Variants in DIAPH3 observed in about 807,000 individuals in gnomAD.
DIAPH3 encodes the protein diaphanous related formin 3.
Under a neutral mutation model 144.3 loss-of-function variants are expected in DIAPH3, and 117 were observed. That is an observed-to-expected ratio of 0.81 (90% CI 0.70 to 0.95). The LOEUF (loss-of-function observed/expected upper bound fraction) is 0.95. Ranked by LOEUF, DIAPH3 falls within the 40% of genes least tolerant of loss-of-function variation. DIAPH3 has a pLI of 0.00. For synonymous variants in DIAPH3, 519 were observed against 488.9 expected (o/e 1.06, Z -0.81); for missense variants, 1,421 against 1,412.7 (o/e 1.01, Z -0.09).
intron 1 of DIAPH3, among the ~76,000 whole-genome samples, chr13:60,148,939 T>C (rs1009443179): frequency 6.6e-6 from 1 of 152,184 alleles, no homozygotes; most frequent in Admixed American, 6.5e-5. Flanking sequence ...AAGGACCAAA[T>C]TGCATCTACC....
intron 9 of DIAPH3, among the ~76,000 whole-genome samples, chr13:59,996,468 G>C (rs143802412): frequency 1.3e-5 from 2 of 152,020 alleles, no homozygotes; most frequent in Admixed American, 1.3e-4. Context: ...TATTTTAAAC[G>C]TAACTTCTAG....
chr13:59,979,044 A>T (rs1355773405), intron 14 of DIAPH3, among the ~76,000 whole-genome samples: 1 of 151,728 alleles, frequency 6.6e-6, no homozygotes, highest in African/African-American at 2.4e-5. Flanking sequence ...AAACTATCAG[A>T]ACAAAGTTTT....
At chr13:59,771,558 T>C (rs1340514355) in intron 27 of DIAPH3, among the ~76,000 whole-genome samples, 1 of 152,070 alleles carries the variant, frequency 6.6e-6, no homozygotes, top group Non-Finnish European at 1.5e-5. Flanking sequence ...TGTTTAACTT[T>C]ATGTTACAAG....
intron 27 of DIAPH3, among the ~76,000 whole-genome samples, chr13:59,724,294 G>A (rs894884287): frequency 1.3e-5 from 2 of 152,132 alleles, no homozygotes; most frequent in Non-Finnish European, 2.9e-5. Context: ...AAAAACTCGT[G>A]TGTGAACTAT....
chr13:59,810,968 C>A, intron 24 of DIAPH3, 45 bp from the exon 25 acceptor site: 1 of 1,542,200 alleles, frequency 6.5e-7, no homozygotes, highest in Admixed American at 1.8e-5. Flanking sequence ...AGTGATTCAT[C>A]CCGCAAAATG....
intron 27 of DIAPH3, among the ~76,000 whole-genome samples, chr13:59,681,049 G>T (rs889040965): frequency 1.3e-5 from 2 of 151,928 alleles, no homozygotes; most frequent in Admixed American, 6.6e-5. Context: ...TTTTCTCCTG[G>T]TATATACAAA....
rs12430815 is a variant in DIAPH3 at position 59,943,459 on chromosome 13, T to A, written c.2075-18589A>T. Among the ~76,000 whole-genome samples the A allele has an allele frequency of 2.0e-4, 31 of 152,256 alleles. 1 individual carries two copies. The highest frequency in any genetic ancestry group is 2.0e-3 in the Admixed American group (31 of 15,264). On this transcript the variant is annotated intron_variant, in intron 17 of 27. Transcript: ENST00000400324. ...AGAACAATAATAGCAACTGGAAATGTAATAGCTCTCAATATGGAGCTCCTC... is the reference window on the plus strand; with the variant it reads ...AGAACAATAATAGCAACTGGAAATGAAATAGCTCTCAATATGGAGCTCCTC...
At chr13:59,935,664 A>C (rs999330826) in intron 17 of DIAPH3, among the ~76,000 whole-genome samples, 1 of 152,240 alleles carries the variant, frequency 6.6e-6, no homozygotes, top group African/African-American at 2.4e-5. Context: ...AAATCACTTT[A>C]GTCATATCTG....
rs143266302 is a variant in DIAPH3, at chr13:59,722,866, T to G, written c.3319+51323A>C. 3.7e-3 allele frequency among the ~76,000 whole-genome samples: 564 copies of G among 152,286 alleles called. 3 individuals are homozygous for G. The highest frequency in any genetic ancestry group is 0.013 in the African/African-American group (538 of 41,550). ...ACATGTAGCTCATCAAAGCTTGATC[T>G]AAATTGTTTCTTCAGTCCTCCTAAT... On this transcript the variant is annotated intron_variant, in intron 27 of 27. Transcript: ENST00000400324.
At chr13:59,938,816 G>T (rs1172039091) in intron 17 of DIAPH3, among the ~76,000 whole-genome samples, 2 of 152,138 alleles carry the variant, frequency 1.3e-5, no homozygotes, top group Non-Finnish European at 2.9e-5. Flanking sequence ...AGAGAATGGG[G>T]AGTTAGTGTT....
At chr13:59,712,171 CAGAG>C (rs2034782663) in intron 27 of DIAPH3, among the ~76,000 whole-genome samples, 1 of 152,086 alleles carries the variant, frequency 6.6e-6, no homozygotes, top group South Asian at 2.1e-4. Context: ...ACAAGAGAAA[CAGAG>C]AGGCAGAAAG....
rs368905253 is a variant in DIAPH3, at chr13:59,716,377, A to T, written c.3320-49531T>A. Reference sequence around the variant, plus strand: ...TTTTTAGTAGAGACGGGGTTTCACCATGTTAGCCAGGATGGTCTCGATCTC... The same window carrying T: ...TTTTTAGTAGAGACGGGGTTTCACCTTGTTAGCCAGGATGGTCTCGATCTC... On this transcript the variant is annotated intron_variant, in intron 27 of 27. Coordinates refer to ENST00000400324, the MANE Select transcript of DIAPH3 (RefSeq NM_001042517.2). 3.3e-5 allele frequency among the ~76,000 whole-genome samples: 5 copies of T among 152,190 alleles called. No individual in the cohort carries two copies. The East Asian group carries it at 5.8e-4, about 18-fold the overall frequency.
chr13:59,805,831 A>G (rs958156069), intron 25 of DIAPH3, among the ~76,000 whole-genome samples: 3 of 151,980 alleles, frequency 2.0e-5, no homozygotes, highest in Admixed American at 6.6e-5. Flanking sequence ...CACTATTTTT[A>G]TCTTTATTTT....
intron 1 of DIAPH3, among the ~76,000 whole-genome samples, chr13:60,162,809 T>TCTCTCTCTCA (rs1555388530): frequency 8.2e-6 from 1 of 122,424 alleles, no homozygotes; most frequent in Non-Finnish European, 1.7e-5. Context: ...TCTCTCTCTC[T>TCTCTCTCTCA]CACACACACA....
At chr13:59,916,289 G>A (rs368451274) in intron 18 of DIAPH3, 40 bp from the exon 19 acceptor site, 2 of 1,450,550 alleles carry the variant, frequency 1.4e-6, no homozygotes, top group East Asian at 2.3e-5. Context: ...AATGAATAAG[G>A]TTTAAAAAAG....
intron 27 of DIAPH3, among the ~76,000 whole-genome samples, chr13:59,693,472 G>A (rs552036964): frequency 3.3e-5 from 5 of 152,184 alleles, no homozygotes; most frequent in East Asian, 3.9e-4. Context: ...AAGGAATTAG[G>A]AAAATTATCA....
intron 13 of DIAPH3, among the ~76,000 whole-genome samples, chr13:59,982,264 C>G (rs1343410440): frequency 6.6e-6 from 1 of 151,254 alleles, no homozygotes; most frequent in East Asian, 1.9e-4. Flanking sequence ...ATTTTATTTC[C>G]TTCTCAAGAG....
At chr13:59,712,604 G>T (rs2034810508) in intron 27 of DIAPH3, among the ~76,000 whole-genome samples, 1 of 152,164 alleles carries the variant, frequency 6.6e-6, no homozygotes, top group African/African-American at 2.4e-5. Context: ...ACCTAGCTCA[G>T]ATTTATTCAG....
At chr13:59,734,645 CA>C (rs2036048844) in intron 27 of DIAPH3, among the ~76,000 whole-genome samples, 1 of 152,132 alleles carries the variant, frequency 6.6e-6, no homozygotes, top group Non-Finnish European at 1.5e-5. Flanking sequence ...TGATTGATAA[CA>C]AAACCTGTCT....
Sources: gnomAD v4.1 joint callset for allele counts (sites outside exome capture counted in the v4.1 genomes callset) on GRCh38, gnomAD v4.1.1 for gene constraint, MANE v1.5 for transcripts, NCBI Gene and HGNC (gene_info 2026-07-23, HGNC 2026-07-21) for gene names.